TMEM245: variants seen among roughly 807,000 people sequenced by gnomAD.
The protein encoded by TMEM245 is protein CG-2.
TMEM245 carries 69 observed loss-of-function variants against 101.2 expected under a neutral mutation model. The observed-to-expected ratio is 0.68, with a 90% CI of 0.56 to 0.83. TMEM245 has a LOEUF of 0.83. Among genes scored for constraint, TMEM245 ranks in the 40% least tolerant of loss-of-function variants. The probability of loss-of-function intolerance (pLI) is 0.00; values close to 1 mark genes in which losing one functional copy is unlikely to be tolerated. For synonymous variants in TMEM245, 537 were observed against 449.8 expected (o/e 1.19, Z -2.45); for missense variants, 1,075 against 1,092.8 (o/e 0.98, Z 0.23).
chr9:109,022,494 T>TCTATCTATCTATCTAA (rs1827661331), intron 17 of TMEM245, among the ~76,000 whole-genome samples: 1 of 151,966 alleles, frequency 6.6e-6, no homozygotes, highest in Admixed American at 6.6e-5. Context: ...TATCTATCTA[T>TCTATCTATCTATCTAA]CTATCTATCT....
intron 14 of TMEM245, among the ~76,000 whole-genome samples, chr9:109,047,083 A>G (rs1828520768): frequency 6.6e-6 from 1 of 152,234 alleles, no homozygotes; most frequent in East Asian, 1.9e-4. Flanking sequence ...GTCTCAGGCC[A>G]TAACCCATTC....
At chr9:109,046,427 T>C (rs756831377) in intron 14 of TMEM245, 9 of 365,106 alleles carry the variant, frequency 2.5e-5, no homozygotes, top group Middle Eastern at 4.1e-4. Flanking sequence ...CAAAACTTCA[T>C]GAAATGAAAA....
At chr9:109,077,327 T>C (rs939195051) in intron 8 of TMEM245, among the ~76,000 whole-genome samples, 4 of 152,112 alleles carry the variant, frequency 2.6e-5, no homozygotes, top group Non-Finnish European at 4.4e-5. Context: ...ATTTTTTCTA[T>C]TCTTTGTAGA....
rs930270677 is a variant in TMEM245, at chr9:109,075,063, T to C, written c.1450-1625A>G. ...TTTAAAGTAAGTTTGGACGCTGTGTTGAAAACAGACTAAATGAGGCTAAGG... is the reference window on the plus strand; with the variant it reads ...TTTAAAGTAAGTTTGGACGCTGTGTCGAAAACAGACTAAATGAGGCTAAGG... On this transcript the variant is annotated intron_variant, in intron 8 of 17. Transcript: ENST00000374586. 3.3e-5 allele frequency among the ~76,000 whole-genome samples: 5 copies of C among 152,170 alleles called. No homozygotes were observed. In the East Asian group the frequency reaches 7.7e-4, roughly 23 times the overall value.
At chr9:109,084,478 T>A (rs1407148425) in intron 7 of TMEM245, among the ~76,000 whole-genome samples, 2 of 152,212 alleles carry the variant, frequency 1.3e-5, no homozygotes, top group Admixed American at 6.5e-5. Flanking sequence ...ATCTAGCTCA[T>A]TTAGTCCACT....
intron 14 of TMEM245, among the ~76,000 whole-genome samples, chr9:109,049,397 T>C (rs1298381041): frequency 6.6e-6 from 1 of 152,158 alleles, no homozygotes; most frequent in Non-Finnish European, 1.5e-5. Flanking sequence ...TTATTTTTAG[T>C]AGAGACAAGG....
At chr9:109,097,511 T>G (rs1295489910) in intron 3 of TMEM245, among the ~76,000 whole-genome samples, 1 of 152,222 alleles carries the variant, frequency 6.6e-6, no homozygotes, top group Non-Finnish European at 1.5e-5. Flanking sequence ...CTATTCTTAC[T>G]ACTTAGATGG....
At chr9:109,088,802 C>T (rs1291639842) in intron 5 of TMEM245, among the ~76,000 whole-genome samples, 6 of 121,352 alleles carry the variant, frequency 4.9e-5, no homozygotes, top group East Asian at 2.3e-4. Context: ...GGCAACAGAG[C>T]GAGACTACAT....
intron 1 of TMEM245, among the ~76,000 whole-genome samples, chr9:109,118,734 C>T (rs980974941): frequency 6.6e-6 from 1 of 152,242 alleles, no homozygotes; most frequent in African/African-American, 2.4e-5. Context: ...ACAGGCAGCT[C>T]AGCACCCAGT....
chr9:109,093,706 A>G, intron 3 of TMEM245, 115 bp from the exon 4 acceptor site: 1 of 825,098 alleles, frequency 1.2e-6, no homozygotes, highest in South Asian at 1.5e-5. Context: ...CTACTGACCC[A>G]CTGAATAAGT....
intron 17 of TMEM245, among the ~76,000 whole-genome samples, chr9:109,027,432 G>A (rs1464201406): frequency 6.6e-6 from 1 of 152,152 alleles, no homozygotes; most frequent in African/African-American, 2.4e-5. Context: ...CCAACACTGG[G>A]AGATTAAGTG....
chr9:109,102,759 T>A (rs1830311596), intron 3 of TMEM245, among the ~76,000 whole-genome samples: 1 of 152,280 alleles, frequency 6.6e-6, no homozygotes, highest in South Asian at 2.1e-4. Flanking sequence ...ACACATATTA[T>A]CTGAGAAATT....
rs186542759 is a variant in TMEM245, at chr9:109,048,563, G to A, written c.2123+1720C>T. On this transcript the variant is annotated intron_variant, in intron 14 of 17. Transcript: ENST00000374586. The stretch of plus-strand genomic sequence containing the variant: ...TGCTTAAGACCACCTGGTTAACAAC[G>A]TATTAGAAAAAGGAGCTCTAATGGA... Among the ~76,000 whole-genome samples the A allele has an allele frequency of 4.1e-4, 63 of 152,258 alleles. No homozygotes were observed. The East Asian group carries it at 0.011, about 27-fold the overall frequency.
chr9:109,074,129 G>A (rs1477939830), intron 8 of TMEM245, among the ~76,000 whole-genome samples: 5 of 152,060 alleles, frequency 3.3e-5, no homozygotes, highest in Non-Finnish European at 4.4e-5. Flanking sequence ...CAAAGTGCTA[G>A]GATTACAGGT....
intron 12 of TMEM245, 62 bp downstream of exon 12, chr9:109,057,129 A>C: frequency 6.4e-7 from 1 of 1,568,020 alleles, no homozygotes; most frequent in Non-Finnish European, 8.7e-7. Context: ...TATGAAGAAA[A>C]CTTGGAATTA....
chr9:109,070,684 T>C (rs901794055), intron 9 of TMEM245, among the ~76,000 whole-genome samples: 11 of 152,178 alleles, frequency 7.2e-5, no homozygotes, highest in African/African-American at 2.7e-4. Context: ...ATATCCTTAA[T>C]CAAAATAATA....
chr9:109,108,548 T>C lies in TMEM245; in HGVS notation c.602A>G (p.Tyr201Cys), dbSNP rs913251071. ...SLWIWTLVVG[Y>C]VLTVSFKWNA... Reference sequence around the variant, plus strand: ...CCACTTGAATGAAACAGTCAACACATAGCCAACCACCAACGTCCAGATCTT... The same window carrying C: ...CCACTTGAATGAAACAGTCAACACACAGCCAACCACCAACGTCCAGATCTT... The change falls in exon 2 of 18, where the codon TAT (tyrosine) becomes TGT (cysteine). Residue 201 changes from tyrosine to cysteine, a missense_variant. Coordinates refer to ENST00000374586, the MANE Select transcript of TMEM245 (RefSeq NM_032012.4). 5.6e-6 allele frequency: 9 copies of C among 1,605,834 alleles called. No homozygotes were observed. The highest frequency in any genetic ancestry group is 2.2e-5 in the South Asian group (2 of 89,152).
chr9:109,060,544 G>A (rs1478769189), intron 10 of TMEM245, 92 bp from the exon 11 acceptor site: 2 of 853,564 alleles, frequency 2.3e-6, no homozygotes, highest in African/African-American at 3.4e-5. Flanking sequence ...TTGTTCCAAA[G>A]CAAACAAAAA....
chr9:109,066,478 A>AAAAAAAAAT (rs869275234), intron 9 of TMEM245, among the ~76,000 whole-genome samples: 1 of 147,548 alleles, frequency 6.8e-6, no homozygotes, highest in African/African-American at 2.5e-5. Flanking sequence ...AAAAAAAAAA[A>AAAAAAAAAT]TTTCTCAGCA....
Sources: allele counts gnomAD v4.1 joint callset (sites outside exome capture counted in the v4.1 genomes callset), GRCh38; gene constraint gnomAD v4.1.1; transcripts MANE v1.5; gene names NCBI Gene and HGNC (gene_info 2026-07-23, HGNC 2026-07-21).